MECOM: variants seen among roughly 807,000 people sequenced by gnomAD.
MECOM encodes histone-lysine N-methyltransferase MECOM.
Under a neutral mutation model 116.3 loss-of-function variants are expected in MECOM, and 13 were observed. The ratio of observed to expected loss-of-function variants is 0.11; its 90% CI spans 0.07 to 0.18. The LOEUF is 0.18. MECOM is among the 10% of genes least tolerant of loss of function. MECOM has a pLI of 1.00. For synonymous variants in MECOM, 528 were observed against 535.2 expected (o/e 0.99, Z 0.19); for missense variants, 1,299 against 1,509.0 (o/e 0.86, Z 2.31).
At chr3:169,348,563 C>A (rs942978916) in intron 2 of MECOM, among the ~76,000 whole-genome samples, 1 of 151,924 alleles carries the variant, frequency 6.6e-6, no homozygotes, top group Non-Finnish European at 1.5e-5. Context: ...TCAGGAACTA[C>A]AAAGCAATCC....
chr3:169,410,919 C>T (rs1397526931), intron 1 of MECOM, among the ~76,000 whole-genome samples: 24 of 152,006 alleles, frequency 1.6e-4, no homozygotes, highest in Admixed American at 1.6e-3. Flanking sequence ...TACCCATAGT[C>T]CACAAAAACA....
At chr3:169,322,876 T>C (rs1721115543) in intron 2 of MECOM, among the ~76,000 whole-genome samples, 1 of 148,732 alleles carries the variant, frequency 6.7e-6, no homozygotes, top group African/African-American at 2.5e-5. Flanking sequence ...CATACACCTG[T>C]AATCCCAGCT....
chr3:169,346,334 C>T (rs1261326932), intron 2 of MECOM, among the ~76,000 whole-genome samples: 3 of 152,014 alleles, frequency 2.0e-5, no homozygotes, highest in Non-Finnish European at 2.9e-5. Flanking sequence ...CTTGTGATTT[C>T]TTTGTAAAAT....
chr3:169,188,601 G>A (rs950897717), intron 2 of MECOM, among the ~76,000 whole-genome samples: 2 of 152,008 alleles, frequency 1.3e-5, no homozygotes, highest in African/African-American at 4.8e-5. Flanking sequence ...AGCTATTGGT[G>A]CCTACCTTTA....
intron 1 of MECOM, among the ~76,000 whole-genome samples, chr3:169,548,502 A>G (rs992780053): frequency 3.9e-5 from 6 of 152,368 alleles, no homozygotes; most frequent in South Asian, 2.1e-4. Flanking sequence ...CACAAGCTCT[A>G]AAAAGTAAGA....
At chr3:169,262,886 GC>G in intron 2 of MECOM, among the ~76,000 whole-genome samples, 1 of 151,556 alleles carries the variant, frequency 6.6e-6, no homozygotes. Context: ...CATTAAAGAT[GC>G]CCCAGGCTGC....
chr3:169,451,162 C>T (rs941776031), intron 1 of MECOM, among the ~76,000 whole-genome samples: 2 of 151,570 alleles, frequency 1.3e-5, no homozygotes, highest in Non-Finnish European at 2.9e-5. Flanking sequence ...TTGTTCTATG[C>T]ATGTGTGTGT....
rs191440607 is a variant in MECOM, at chr3:169,119,027, A to G, written c.1132+2029T>C. Among the ~76,000 whole-genome samples, 276 of 152,340 alleles carry G rather than the reference A, an allele frequency of 1.8e-3. 1 individual carries two copies. The highest frequency in any genetic ancestry group is 3.3e-3 in the Non-Finnish European group (224 of 68,030). On this transcript the variant is annotated intron_variant, in intron 7 of 16. Transcript: ENST00000651503. Reference sequence around the variant, plus strand: ...AACATTGCATTTTTCTACTTATTAAACAAATTAAGAGGCATTTTGAATATA... The same window carrying G: ...AACATTGCATTTTTCTACTTATTAAGCAAATTAAGAGGCATTTTGAATATA...
intron 2 of MECOM, among the ~76,000 whole-genome samples, chr3:169,163,184 A>T (rs1374251344): frequency 6.6e-6 from 1 of 152,202 alleles, no homozygotes; most frequent in East Asian, 1.9e-4. Flanking sequence ...AAGATTGGAT[A>T]TGTAGGCAAA....
At chr3:169,382,456 C>A (rs1453971443) in intron 1 of MECOM, among the ~76,000 whole-genome samples, 1 of 152,024 alleles carries the variant, frequency 6.6e-6, no homozygotes, top group Non-Finnish European at 1.5e-5. Context: ...TTGAAGTAAA[C>A]GAGTGGACCG....
rs150469250 is a variant in MECOM, at chr3:169,173,671, T to C, written c.376-29839A>G. 6.7e-3 allele frequency among the ~76,000 whole-genome samples: 1,018 copies of C among 152,348 alleles called. 11 individuals are homozygous for C. Among genetic ancestry groups the C allele is most frequent in the African/African-American group, 0.022 (911 of 41,578 alleles). On this transcript the variant is annotated intron_variant, in intron 2 of 16. Transcript: ENST00000651503. ...CTATTGCTTGTCTTCTCCCATTTTA[T>C]AGCACCCAGCTCCTTGCATCCAGAC...
intron 3 of MECOM, 97 bp downstream of exon 3, chr3:169,143,601 A>C (rs941228167): frequency 1.6e-6 from 2 of 1,218,318 alleles, no homozygotes; most frequent in Non-Finnish European, 2.2e-6. Context: ...CAAACAGGCC[A>C]CAAGGGTCTA....
intron 14 of MECOM, among the ~76,000 whole-genome samples, chr3:169,092,359 G>T (rs542108444): frequency 6.6e-6 from 1 of 151,528 alleles, no homozygotes; most frequent in African/African-American, 2.4e-5. Context: ...ATATATTTGG[G>T]GGAAACTCCA....
At chr3:169,486,435 T>C (rs1442526652) in intron 1 of MECOM, among the ~76,000 whole-genome samples, 1 of 152,060 alleles carries the variant, frequency 6.6e-6, no homozygotes. Context: ...CTCAGATCTT[T>C]CCAAGTATTT....
intron 1 of MECOM, among the ~76,000 whole-genome samples, chr3:169,660,221 T>C (rs945959529): frequency 1.3e-4 from 20 of 152,034 alleles, no homozygotes; most frequent in Admixed American, 1.2e-3. Flanking sequence ...GCTGCCAGAG[T>C]CGGTTTGGCT....
At chr3:169,636,239 A>G (rs1268855353) in intron 1 of MECOM, among the ~76,000 whole-genome samples, 1 of 152,186 alleles carries the variant, frequency 6.6e-6, no homozygotes, top group African/African-American at 2.4e-5. Context: ...TCATCACCTT[A>G]TCCACACAGA....
At chr3:169,403,690 C>G (rs548984932) in intron 1 of MECOM, among the ~76,000 whole-genome samples, 1 of 152,120 alleles carries the variant, frequency 6.6e-6, no homozygotes, top group Non-Finnish European at 1.5e-5. Context: ...CACTTCATAG[C>G]CATTGAAAGT....
chr3:169,599,977 CT>C (rs970657764), intron 1 of MECOM, among the ~76,000 whole-genome samples: 5 of 150,034 alleles, frequency 3.3e-5, no homozygotes, highest in Admixed American at 2.0e-4. Flanking sequence ...TCTTGACTTA[CT>C]TTTTTTTTTC....
intron 3 of MECOM, among the ~76,000 whole-genome samples, chr3:169,138,928 A>C (rs1416228598): frequency 6.6e-6 from 1 of 152,108 alleles, no homozygotes; most frequent in Non-Finnish European, 1.5e-5. Flanking sequence ...CTAGTGTCAC[A>C]GCAGTCTGAT....
Sources: allele counts gnomAD v4.1 joint callset (sites outside exome capture counted in the v4.1 genomes callset), GRCh38; gene constraint gnomAD v4.1.1; transcripts MANE v1.5; gene names NCBI Gene and HGNC (gene_info 2026-07-23, HGNC 2026-07-21).